MPP7: variants seen among roughly 807,000 people sequenced by gnomAD.
The protein encoded by MPP7 is MAGUK p55 scaffold protein 7, also known as MAGUK p55 subfamily member 7.
MPP7 carries 60 observed loss-of-function variants against 76.5 expected under a neutral mutation model. The ratio of observed to expected loss-of-function variants is 0.78; its 90% CI spans 0.64 to 0.97. The LOEUF (loss-of-function observed/expected upper bound fraction) is 0.97, where lower values mean the gene tolerates loss of function less well. Among genes scored for constraint, MPP7 ranks in the 50% least tolerant of loss-of-function variants. MPP7 has a pLI of 0.00. For synonymous variants in MPP7, 237 were observed against 244.5 expected (o/e 0.97, Z 0.29); for missense variants, 641 against 694.0 (o/e 0.92, Z 0.86).
intron 2 of MPP7, among the ~76,000 whole-genome samples, chr10:28,319,845 G>A (rs1338981279): frequency 6.6e-6 from 1 of 151,850 alleles, no homozygotes; most frequent in East Asian, 2.0e-4. Flanking sequence ...GTGTGGTGAT[G>A]CACGCCTGTG....
chr10:28,156,401 T>C (rs988505946), intron 3 of MPP7, among the ~76,000 whole-genome samples: 7 of 152,208 alleles, frequency 4.6e-5, no homozygotes, highest in African/African-American at 1.7e-4. Context: ...CTACACCATG[T>C]CGTGTATACA....
intron 6 of MPP7, among the ~76,000 whole-genome samples, chr10:28,126,181 G>A (rs141099666): frequency 7.3e-4 from 111 of 152,196 alleles, no homozygotes; most frequent in African/African-American, 2.5e-3. Flanking sequence ...GGCATTTTAC[G>A]GCATTTTTCA....
chr10:28,305,188 G>A (rs935784817), upstream of MPP7, among the ~76,000 whole-genome samples: 2 of 152,206 alleles, frequency 1.3e-5, no homozygotes, highest in African/African-American at 4.8e-5. Flanking sequence ...AGGACTTGAA[G>A]TAGGAAGAAA....
At chr10:28,150,246 C>T (rs1400565438) in intron 3 of MPP7, among the ~76,000 whole-genome samples, 187 bp from the exon 4 acceptor site, 1 of 152,084 alleles carries the variant, frequency 6.6e-6, no homozygotes. Context: ...CGTATGTGTG[C>T]CTAATTCATC....
chr10:28,221,395 C>T (rs898890302), intron 2 of MPP7, among the ~76,000 whole-genome samples: 2 of 152,144 alleles, frequency 1.3e-5, no homozygotes, highest in Non-Finnish European at 2.9e-5. Flanking sequence ...GCCAGCAAAA[C>T]TTCCTGACAC....
chr10:28,271,571 TA>T (rs1020647121), intron 1 of MPP7, among the ~76,000 whole-genome samples: 1 of 152,198 alleles, frequency 6.6e-6, no homozygotes, highest in Non-Finnish European at 1.5e-5. Flanking sequence ...TTTTGAAAGG[TA>T]GGGAGCCCTG....
intron 11 of MPP7, among the ~76,000 whole-genome samples, chr10:28,108,075 G>A (rs553003322): frequency 2.0e-5 from 3 of 152,298 alleles, no homozygotes; most frequent in Admixed American, 2.0e-4. Context: ...TCAAAAGGCA[G>A]CAATTGTAAA....
chr10:28,217,543 AAAAG>A (rs1838354673), intron 2 of MPP7, among the ~76,000 whole-genome samples: 2 of 130,796 alleles, frequency 1.5e-5, no homozygotes, highest in Admixed American at 8.0e-5. Context: ...AAAAAAAAAG[AAAAG>A]AAAAGAAAAG....
At chr10:28,257,298 T>G (rs1839815775) in intron 1 of MPP7, among the ~76,000 whole-genome samples, 2 of 152,138 alleles carry the variant, frequency 1.3e-5, no homozygotes, top group South Asian at 2.1e-4. Flanking sequence ...CAATCAAGTA[T>G]GTCTTCCTTA....
intron 14 of MPP7, among the ~76,000 whole-genome samples, chr10:28,059,230 A>G (rs1851681770): frequency 6.6e-6 from 1 of 152,196 alleles, no homozygotes; most frequent in African/African-American, 2.4e-5. Context: ...GTTAATTATC[A>G]TCATTTCAAT....
intron 3 of MPP7, among the ~76,000 whole-genome samples, chr10:28,168,522 CT>C (rs1008014685): frequency 2.7e-5 from 4 of 150,904 alleles, no homozygotes; most frequent in Non-Finnish European, 4.4e-5. Flanking sequence ...ACCTCACCTT[CT>C]TTTTTTTTGT....
intron 2 of MPP7, among the ~76,000 whole-genome samples, chr10:28,310,183 G>A (rs1841282082): frequency 6.6e-6 from 1 of 151,882 alleles, no homozygotes; most frequent in South Asian, 2.1e-4. Flanking sequence ...TGTATTTTTG[G>A]TAGAGACGGG....
chr10:28,096,761 A>G (rs911170457), intron 11 of MPP7, among the ~76,000 whole-genome samples: 5 of 152,274 alleles, frequency 3.3e-5, no homozygotes, highest in South Asian at 4.1e-4. Flanking sequence ...TTAATTTTTT[A>G]ATTCCATCTG....
rs375384294 is a variant in MPP7, at chr10:28,125,013, T to G, written c.526A>C (p.Ser176Arg). 2.5e-6 allele frequency: 4 copies of G among 1,613,752 alleles called. No homozygotes were observed. Among genetic ancestry groups the G allele is most frequent in the Non-Finnish European group, 3.4e-6 (4 of 1,179,780 alleles). Residue 176 changes from serine (S) to arginine (R), a missense_variant, in exon 7 of 17, where the codon AGT becomes CGT. Ser to Arg is a moderately radical substitution (Grantham distance 110, BLOSUM62 -1). Transcript: ENST00000683449. Reference sequence around the variant, plus strand: ...TGGTTAACATTTAAAGTCTCACCACTTCTATCTGCAGCTCCTCCTCTCATG... The same window carrying G: ...TGGTTAACATTTAAAGTCTCACCACGTCTATCTGCAGCTCCTCCTCTCATG... ...RIMRGGAADR[S>R]GLIHVGDELR...
intron 5 of MPP7, among the ~76,000 whole-genome samples, chr10:28,135,968 T>C (rs1328049505): frequency 6.6e-6 from 1 of 152,128 alleles, no homozygotes; most frequent in Non-Finnish European, 1.5e-5. Context: ...TCTATATTTA[T>C]AGCTGTCCCC....
At chr10:28,163,938 T>C (rs1781832) in intron 3 of MPP7, among the ~76,000 whole-genome samples, 110,471 of 147,598 alleles carry the variant, frequency 0.75, 41,572 homozygotes, top group Middle Eastern at 0.83. Context: ...AGAATGAGTA[T>C]TATATTTCTA....
At chr10:28,073,524 C>T (rs113612151) in intron 12 of MPP7, among the ~76,000 whole-genome samples, 6,377 of 152,206 alleles carry the variant, frequency 0.042, 438 homozygotes, top group African/African-American at 0.14. Flanking sequence ...AATCCCAGCA[C>T]TTTGGGAGGC....
chr10:28,059,843 G>A (rs1851707446), intron 13 of MPP7, 100 bp from the exon 14 acceptor site: 17 of 782,940 alleles, frequency 2.2e-5, no homozygotes, highest in Middle Eastern at 2.5e-4. Flanking sequence ...TTTTTCAACA[G>A]GATTTAAAAA....
intron 2 of MPP7, among the ~76,000 whole-genome samples, chr10:28,214,384 T>C (rs78788411): frequency 0.042 from 6,417 of 152,186 alleles, 234 homozygotes; most frequent in African/African-American, 0.089. Context: ...GAAAGAAGCA[T>C]GGTAACATGC....
Sources: allele counts gnomAD v4.1 joint callset (sites outside exome capture counted in the v4.1 genomes callset), GRCh38; gene constraint gnomAD v4.1.1; transcripts MANE v1.5; gene names NCBI Gene and HGNC (gene_info 2026-07-23, HGNC 2026-07-21).